NPAS2: variants seen among roughly 807,000 people sequenced by gnomAD.
The protein encoded by NPAS2 is neuronal PAS domain-containing protein 2.
A neutral mutation model predicts 107.5 loss-of-function variants in NPAS2; 23 were observed. That is an observed-to-expected ratio of 0.21 (90% CI 0.15 to 0.30). The LOEUF is 0.30. Ranked by LOEUF, NPAS2 falls within the 10% of genes least tolerant of loss-of-function variation. NPAS2 has a pLI of 1.00. For synonymous variants in NPAS2, 403 were observed against 417.5 expected (o/e 0.97, Z 0.42); for missense variants, 756 against 1,043.3 (o/e 0.72, Z 3.79).
intron 2 of NPAS2, among the ~76,000 whole-genome samples, chr2:100,912,048 TC>T (rs1682582034): frequency 6.6e-6 from 1 of 152,212 alleles, no homozygotes; most frequent in Non-Finnish European, 1.5e-5. Flanking sequence ...TCACTGAGCA[TC>T]GTGTGCTGCA....
At chr2:100,841,805 C>T (rs1677421416) in intron 1 of NPAS2, among the ~76,000 whole-genome samples, 1 of 152,146 alleles carries the variant, frequency 6.6e-6, no homozygotes, top group Non-Finnish European at 1.5e-5. Flanking sequence ...TGCACAAATA[C>T]ATGTATATAC....
chr2:100,988,621 C>T (rs2105310163), intron 17 of NPAS2: 2 of 348,318 alleles, frequency 5.7e-6, no homozygotes, highest in South Asian at 2.6e-5. Flanking sequence ...GCTGAATGTC[C>T]CAACACTCAA....
chr2:100,845,820 T>A (rs1677738852), intron 1 of NPAS2, among the ~76,000 whole-genome samples: 1 of 152,308 alleles, frequency 6.6e-6, no homozygotes, highest in Admixed American at 6.5e-5. Context: ...CATCTAGGGA[T>A]CCCCTGACAG....
At chr2:100,886,382 A>G (rs13407950) in intron 1 of NPAS2, among the ~76,000 whole-genome samples, 18,596 of 152,238 alleles carry the variant, frequency 0.12, 1,669 homozygotes, top group East Asian at 0.35. Flanking sequence ...GCTCCCTGGT[A>G]GCTGGTGAAT....
intron 1 of NPAS2, among the ~76,000 whole-genome samples, chr2:100,887,534 A>G (rs1208412389): frequency 6.6e-6 from 1 of 152,242 alleles, no homozygotes; most frequent in Non-Finnish European, 1.5e-5. Flanking sequence ...GTGTTCGTGC[A>G]AATTATCACT....
In NPAS2 at chr2:100,965,840, G is replaced by T; in HGVS notation, c.907+74G>T. 1.1e-6 allele frequency: 1 copy of T among 921,156 alleles called. No individual in the cohort carries two copies. Among genetic ancestry groups the T allele is most frequent in the Admixed American group, 2.2e-5 (1 of 46,392 alleles). 57.1% of individuals were successfully genotyped at this position (921,156 alleles called of 1,614,324 possible). A position where few individuals can be genotyped will look rare whatever the true frequency, so the allele number is the denominator to read the frequency against. ...CTGGGGCCCAGCAGCAGGGCTCTGG[G>T]ACTCCAGAAGCCTCTGCTCGTTACC... On this transcript the variant is annotated intron_variant, in intron 10 of 20. Coordinates refer to ENST00000335681, the MANE Select transcript of NPAS2 (RefSeq NM_002518.4). The surrounding 1 kb of genome is among the most constrained non-coding windows in gnomAD (Gnocchi z 4.3).
chr2:100,935,971 C>T (rs960088576), intron 4 of NPAS2, among the ~76,000 whole-genome samples: 1 of 152,144 alleles, frequency 6.6e-6, no homozygotes, highest in Non-Finnish European at 1.5e-5. Flanking sequence ...GCACTAGATG[C>T]CAAAGTCACC....
At chr2:100,970,166 C>T (rs1241431806) in intron 11 of NPAS2, among the ~76,000 whole-genome samples, 5 of 152,196 alleles carry the variant, frequency 3.3e-5, no homozygotes, top group African/African-American at 1.2e-4. Flanking sequence ...TCCATGGCAG[C>T]CGCCTGTTGC....
Position 100,976,186 on chromosome 2 carries a change from G to A in NPAS2, c.1392+619G>A, listed in dbSNP as rs1309984756. On this transcript the variant is annotated intron_variant, in intron 14 of 20. Coordinates refer to ENST00000335681, the MANE Select transcript of NPAS2 (RefSeq NM_002518.4). This position sits in a 1 kb window ranked among gnomAD's most constrained non-coding sequence, Gnocchi z 4.1. The stretch of plus-strand genomic sequence containing the variant: ...GGATGGCACTTCTCTGCTCCTTGGT[G>A]TCGGGGATCTCGTGGGCCTAGGCTA... Among the ~76,000 whole-genome samples, 1 of 151,954 alleles carries A rather than the reference G, an allele frequency of 6.6e-6. No homozygotes were observed. Among genetic ancestry groups the A allele is most frequent in the Non-Finnish European group, 1.5e-5 (1 of 67,994 alleles).
chr2:100,925,005 C>A, intron 2 of NPAS2, 141 bp from the exon 3 acceptor site: 2 of 794,312 alleles, frequency 2.5e-6, no homozygotes, highest in Non-Finnish European at 3.8e-6. Flanking sequence ...GGAAATGTGG[C>A]CAGCGTGACC....
intron 12 of NPAS2, among the ~76,000 whole-genome samples, chr2:100,971,441 G>C (rs186556297): frequency 1.1e-3 from 166 of 152,268 alleles, no homozygotes; most frequent in African/African-American, 3.9e-3. Context: ...AAGACACTGG[G>C]GGAGTTCCTC....
intron 1 of NPAS2, among the ~76,000 whole-genome samples, chr2:100,850,506 A>G (rs902544893): frequency 1.3e-5 from 2 of 152,222 alleles, no homozygotes; most frequent in African/African-American, 4.8e-5. Flanking sequence ...GTATCAAGGT[A>G]TCCAAAAAAA....
At chr2:100,912,249 T>A (rs1682601380) in intron 2 of NPAS2, among the ~76,000 whole-genome samples, 2 of 114,060 alleles carry the variant, frequency 1.8e-5, no homozygotes, top group South Asian at 3.3e-4. Context: ...TATTTATTTA[T>A]TTATTTATTA....
rs181811584 is a variant in NPAS2, at chr2:100,855,125, A to G, written c.-23+34711A>G. On this transcript the variant is annotated intron_variant, in intron 1 of 20. Coordinates refer to ENST00000335681, the MANE Select transcript of NPAS2 (RefSeq NM_002518.4). ...GTAGGCATTTGAAATTACATATGTG[A>G]CTCATATTATATTTCTCTTCACACC... Among the ~76,000 whole-genome samples the G allele has an allele frequency of 2.3e-3, 347 of 152,158 alleles. 1 individual carries two copies. Among genetic ancestry groups the G allele is most frequent in the Non-Finnish European group, 3.1e-3 (210 of 67,996 alleles).
rs1164455695 is a variant in NPAS2, at chr2:100,995,808, A to G, written c.*226A>G. ...TCTTGCCTCCGAGGTTCTTGGGCAC[A>G]CTCTATAGCCATACTGGACAGGAAC... On this transcript the variant is annotated 3_prime_UTR_variant, in exon 21 of 21. Transcript: ENST00000335681. The G allele has an allele frequency of 6.5e-7, 1 of 1,543,718 alleles. No homozygotes were observed. The highest frequency in any genetic ancestry group is 8.7e-7 in the Non-Finnish European group (1 of 1,143,092).
intron 1 of NPAS2, among the ~76,000 whole-genome samples, chr2:100,829,778 G>C (rs1676615602): frequency 6.6e-6 from 1 of 152,152 alleles, no homozygotes; most frequent in African/African-American, 2.4e-5. Flanking sequence ...AATTCTGCTA[G>C]AGAAGAGAGG....
chr2:100,920,948 C>T (rs1474913616), intron 2 of NPAS2, among the ~76,000 whole-genome samples: 1 of 152,230 alleles, frequency 6.6e-6, no homozygotes, highest in Non-Finnish European at 1.5e-5. Context: ...CCCTTGATTT[C>T]CCGCAGTACC....
intron 12 of NPAS2, among the ~76,000 whole-genome samples, chr2:100,974,295 G>A (rs1676810585): frequency 1.3e-5 from 2 of 152,206 alleles, no homozygotes; most frequent in Admixed American, 6.5e-5. Flanking sequence ...GGAGCGAGAG[G>A]TCGAAAGACA....
chr2:100,893,820 G>A (rs1681236280), intron 1 of NPAS2, among the ~76,000 whole-genome samples: 1 of 152,156 alleles, frequency 6.6e-6, no homozygotes, highest in Non-Finnish European at 1.5e-5. Flanking sequence ...GCACTATAAT[G>A]GCAGAGTTGA....
Sources: gnomAD v4.1 joint callset for allele counts (sites outside exome capture counted in the v4.1 genomes callset) on GRCh38, gnomAD v4.1.1 for gene constraint, Gnocchi (gnomAD v3.1) non-coding constraint, MANE v1.5 for transcripts, NCBI Gene and HGNC (gene_info 2026-07-23, HGNC 2026-07-21) for gene names.